MTMR2: variants seen among roughly 807,000 people sequenced by gnomAD.
MTMR2 encodes phosphatidylinositol-3,5-bisphosphate 3-phosphatase MTMR2.
MTMR2 carries 55 observed loss-of-function variants against 86.9 expected under a neutral mutation model. The ratio of observed to expected loss-of-function variants is 0.63; its 90% CI spans 0.51 to 0.79. MTMR2 has a LOEUF of 0.79. Ranked by LOEUF, MTMR2 falls within the 30% of genes least tolerant of loss-of-function variation. MTMR2 has a pLI of 0.00. For missense variants in MTMR2, 659 were observed against 772.3 expected, an observed-to-expected ratio of 0.85 and a Z score of 1.74; for synonymous variants, 241 against 266.8, an observed-to-expected ratio of 0.90 and a Z score of 0.94.
At chr11:95,873,166 G>T (rs1307571015) in intron 2 of MTMR2, among the ~76,000 whole-genome samples, 2 of 152,102 alleles carry the variant, frequency 1.3e-5, no homozygotes, top group Admixed American at 1.3e-4. Context: ...TTTTTCTATT[G>T]ATTGGAATAG....
intron 13 of MTMR2, among the ~76,000 whole-genome samples, chr11:95,837,828 T>A (rs889678138): frequency 3.3e-5 from 5 of 152,070 alleles, no homozygotes; most frequent in Admixed American, 2.0e-4. Context: ...CTCCTTAGAT[T>A]TCACGTACTT....
intron 10 of MTMR2, 145 bp from the exon 11 acceptor site, chr11:95,845,304 A>G: frequency 1.3e-6 from 1 of 749,890 alleles, no homozygotes; most frequent in South Asian, 1.7e-5. Context: ...ATTTTTTTAA[A>G]TGGTAGAAGA....
chr11:95,836,052 T>C, intron 14 of MTMR2, 96 bp downstream of exon 14: 1 of 1,256,124 alleles, frequency 8.0e-7, no homozygotes, highest in South Asian at 1.2e-5. Flanking sequence ...GGAGTAAAGT[T>C]TTAAATATGC....
intron 2 of MTMR2, among the ~76,000 whole-genome samples, chr11:95,886,012 A>C (rs1170193669): frequency 2.0e-5 from 3 of 152,164 alleles, no homozygotes; most frequent in Non-Finnish European, 4.4e-5. Flanking sequence ...GTCATCAAAA[A>C]CAAGATACAG....
intron 1 of MTMR2, among the ~76,000 whole-genome samples, chr11:95,891,551 C>A (rs1226783369): frequency 6.6e-6 from 1 of 152,086 alleles, no homozygotes; most frequent in Admixed American, 6.6e-5. Flanking sequence ...CCAGGTACTG[C>A]AACTTATACT....
At chr11:95,913,168 G>A (rs1323393237) in intron 1 of MTMR2, 1 of 151,946 alleles carries the variant, frequency 6.6e-6, no homozygotes, top group Non-Finnish European at 1.5e-5. Flanking sequence ...AACAGTGATG[G>A]ATTGGTTATA....
At chr11:95,837,585 T>C (rs540474246) in intron 13 of MTMR2, among the ~76,000 whole-genome samples, 11 of 152,114 alleles carry the variant, frequency 7.2e-5, no homozygotes, top group African/African-American at 2.6e-4. Flanking sequence ...GGAAAAGGGA[T>C]AACGAAAAAC....
At chr11:95,901,068 T>C (rs561635) in intron 1 of MTMR2, among the ~76,000 whole-genome samples, 91,709 of 152,040 alleles carry the variant, frequency 0.6, 29,761 homozygotes, top group African/African-American at 0.86. Context: ...TTATTTCTTC[T>C]AGTTGTCCCC....
intron 13 of MTMR2, among the ~76,000 whole-genome samples, chr11:95,836,867 G>A (rs1231226214): frequency 1.3e-5 from 2 of 151,934 alleles, no homozygotes; most frequent in Non-Finnish European, 2.9e-5. Context: ...TGAATGGGGA[G>A]TGACTATTAA....
At chr11:95,863,162 GTATGTCATTAT>G (rs1864485818) in intron 3 of MTMR2, among the ~76,000 whole-genome samples, 1 of 152,134 alleles carries the variant, frequency 6.6e-6, no homozygotes, top group Non-Finnish European at 1.5e-5. Flanking sequence ...TAAATTCCTA[GTATGTCATTAT>G]TACACCAAAT....
At chr11:95,847,621 T>C (rs1863845544) in intron 10 of MTMR2, 93 bp downstream of exon 10, 5 of 1,137,246 alleles carry the variant, frequency 4.4e-6, no homozygotes, top group South Asian at 2.5e-5. Context: ...TTTAGAAAGG[T>C]ACCTTCATGT....
intron 1 of MTMR2, among the ~76,000 whole-genome samples, chr11:95,912,261 A>G (rs1052267364): frequency 6.6e-6 from 1 of 151,992 alleles, no homozygotes; most frequent in African/African-American, 2.4e-5. Flanking sequence ...ACTCTTCCCT[A>G]TTTACCAGAT....
chr11:95,869,844 GACTAA>G (rs10559082), intron 2 of MTMR2, among the ~76,000 whole-genome samples: 16,954 of 151,552 alleles, frequency 0.11, 3,153 homozygotes, highest in African/African-American at 0.39. Flanking sequence ...TTCTGCAACA[GACTAA>G]ACTATAGTAC....
At chr11:95,865,525 T>TCTGTATG in intron 3 of MTMR2, 76 bp downstream of exon 3, 1 of 1,354,806 alleles carries the variant, frequency 7.4e-7, no homozygotes, top group South Asian at 1.2e-5. Flanking sequence ...CAGTTTATTC[T>TCTGTATG]CTGTATGCTG....
At chr11:95,875,886 G>A (rs1865090769) in intron 2 of MTMR2, among the ~76,000 whole-genome samples, 1 of 152,184 alleles carries the variant, frequency 6.6e-6, no homozygotes, top group East Asian at 1.9e-4. Flanking sequence ...CTTTGCCTGG[G>A]TATCAGCAGC....
intron 7 of MTMR2, among the ~76,000 whole-genome samples, chr11:95,854,042 C>G (rs1002376365): frequency 6.6e-6 from 1 of 152,106 alleles, no homozygotes; most frequent in Non-Finnish European, 1.5e-5. Flanking sequence ...ACATTATTCA[C>G]GTAAGTAGCA....
In MTMR2 at chr11:95,853,312, G is replaced by A. The variant is rs574780941; in HGVS notation, c.655-2563C>T. ...GATTTTTCCTCCAGAAATACCAGAAGTTTGCTCACTTTTTTCAATTCTTAC... is the reference window on the plus strand; with the variant it reads ...GATTTTTCCTCCAGAAATACCAGAAATTTGCTCACTTTTTTCAATTCTTAC... On this transcript the variant is annotated intron_variant, in intron 7 of 14. Transcript: ENST00000346299. 1.3e-5 allele frequency among the ~76,000 whole-genome samples: 2 copies of A among 151,916 alleles called. 1 individual carries two copies. Among genetic ancestry groups the A allele is most frequent in the African/African-American group, 4.8e-5 (2 of 41,442 alleles).
chr11:95,897,381 T>G (rs574768607), intron 1 of MTMR2, among the ~76,000 whole-genome samples: 1 of 152,296 alleles, frequency 6.6e-6, no homozygotes, highest in South Asian at 2.1e-4. Flanking sequence ...TTTAGTATTT[T>G]AATTATGTAA....
intron 2 of MTMR2, chr11:95,887,541 G>GT (rs1865557603): frequency 6.6e-6 from 1 of 151,308 alleles, no homozygotes; most frequent in Admixed American, 6.5e-5. Flanking sequence ...AATGTACAGA[G>GT]TGCTACAGGA....
Sources: gnomAD v4.1 joint callset for allele counts (sites outside exome capture counted in the v4.1 genomes callset) on GRCh38, gnomAD v4.1.1 for gene constraint, MANE v1.5 for transcripts, NCBI Gene and HGNC (gene_info 2026-07-23, HGNC 2026-07-21) for gene names.